Variants in SCN10A observed in about 807,000 individuals in gnomAD.
SCN10A encodes sodium voltage-gated channel alpha subunit 10.
Under a neutral mutation model 170.7 loss-of-function variants are expected in SCN10A, and 162 were observed. The observed-to-expected ratio is 0.95, with a 90% CI of 0.84 to 1.08. The LOEUF (loss-of-function observed/expected upper bound fraction) is 1.08. Ranked by LOEUF, SCN10A falls within the 50% of genes least tolerant of loss-of-function variation. The probability of loss-of-function intolerance (pLI) is 0.00; values close to 1 mark genes in which losing one functional copy is unlikely to be tolerated. For synonymous variants in SCN10A, 985 were observed against 904.6 expected (o/e 1.09, Z -1.59); for missense variants, 2,527 against 2,436.9 (o/e 1.04, Z -0.78).
At chr3:38,767,940 T>C (rs529608147) in intron 5 of SCN10A, among the ~76,000 whole-genome samples, 1 of 152,224 alleles carries the variant, frequency 6.6e-6, no homozygotes, top group Non-Finnish European at 1.5e-5. Context: ...GCATATGTAT[T>C]TAGGATTATG....
Position 38,742,457 on chromosome 3 carries a change from C to A in SCN10A, c.1940G>T (p.Cys647Phe). Reference sequence around the variant, plus strand: ...CTTGAGCTTCACCCACATGGGGCAGCAATCCCAGATCAGATACTTCTGAGA... The same window carrying A: ...CTTGAGCTTCACCCACATGGGGCAGAAATCCCAGATCAGATACTTCTGAGA... ...SLSQKYLIWD[C>F]CPMWVKLKTI... The change falls in exon 14 of 28, where the codon TGC (cysteine) becomes TTC (phenylalanine). Residue 647 changes from cysteine to phenylalanine, a missense_variant. By Grantham distance (205) the Cys-to-Phe change is radical. Transcript: ENST00000449082. The A allele has an allele frequency of 6.2e-7, 1 of 1,614,202 alleles. No homozygotes were observed. The highest frequency in any genetic ancestry group is 1.1e-5 in the South Asian group (1 of 91,084).
In SCN10A at chr3:38,726,699, G is replaced by A. The variant is rs200267333; in HGVS notation, c.2994C>T (p.Pro998=). The A allele has an allele frequency of 1.7e-5, 28 of 1,612,534 alleles. No homozygotes were observed. The highest frequency in any genetic ancestry group is 2.2e-5 in the Non-Finnish European group (26 of 1,178,710). ...IANPTVWVSV[P]IAEGESDLDD... ...CAAGATCAGATTCACCCTCAGCAAT[G>A]GGCACAGAGACCCACACAGTCGGAT... The change falls in exon 17 of 28, where the codon CCC becomes CCT. Residue 998 remains proline (P), a synonymous_variant. Coordinates refer to ENST00000449082, the MANE Select transcript of SCN10A (RefSeq NM_006514.4).
Position 38,742,475 on chromosome 3 carries a change from T to C in SCN10A, c.1922A>G (p.Lys641Arg), listed in dbSNP as rs771515339. 2 of 1,614,046 alleles carry C rather than the reference T, an allele frequency of 1.2e-6. No individual in the cohort carries two copies. The highest frequency in any genetic ancestry group is 1.3e-5 in the African/African-American group (1 of 74,918). The change falls in exon 14 of 28, where the codon AAG (lysine) becomes AGG (arginine). Residue 641 changes from lysine (K) to arginine (R), a missense_variant. By Grantham distance (26) the Lys-to-Arg change is conservative. Transcript: ENST00000449082. ...GGGGCAGCAATCCCAGATCAGATAC[T>C]TCTGAGACAAGCTGGTCAAGCAGGG... ...CPPCLTSLSQ[K>R]YLIWDCCPMW...
chr3:38,812,333 T>C (rs1304626423), intron 1 of SCN10A, among the ~76,000 whole-genome samples: 1 of 152,158 alleles, frequency 6.6e-6, no homozygotes, highest in Non-Finnish European at 1.5e-5. Flanking sequence ...GCTAACTTAG[T>C]GAAGGTCATA....
chr3:38,807,958 T>C (rs2064416077), intron 1 of SCN10A, among the ~76,000 whole-genome samples: 1 of 152,282 alleles, frequency 6.6e-6, no homozygotes, highest in African/African-American at 2.4e-5. Context: ...CCTACTTTCA[T>C]AGCAACCAAC....
intron 1 of SCN10A, among the ~76,000 whole-genome samples, chr3:38,805,514 A>G (rs1333708914): frequency 6.6e-6 from 1 of 152,172 alleles, no homozygotes; most frequent in Non-Finnish European, 1.5e-5. Flanking sequence ...AGCATTTCAT[A>G]CAGCCAGTGA....
chr3:38,712,170 A>G lies in SCN10A; in HGVS notation c.4080T>C (p.Leu1360=), dbSNP rs2063281140. 1.2e-6 allele frequency: 2 copies of G among 1,613,742 alleles called. No individual in the cohort carries two copies. Among genetic ancestry groups the G allele is most frequent in the South Asian group, 1.1e-5 (1 of 91,074 alleles). The change falls in exon 23 of 28, where the codon CTT becomes CTC. Residue 1360 remains leucine (L), a synonymous_variant. Coordinates refer to ENST00000449082, the MANE Select transcript of SCN10A (RefSeq NM_006514.4). ...FDNVAMGYLA[L]LQVATFKGWM... is the part of the protein sequence containing the mutation. ...CTCATGGTTGACTCACCACCTGCAG[A>G]AGTGCAAGGTAACCCATTGCAACAT...
At chr3:38,719,189 A>G (rs1025348284) in intron 20 of SCN10A, among the ~76,000 whole-genome samples, 1 of 152,214 alleles carries the variant, frequency 6.6e-6, no homozygotes, top group Admixed American at 6.5e-5. Flanking sequence ...GTTCACAGGC[A>G]GTTTACAAAA....
In SCN10A at chr3:38,760,741, A is replaced by T; in HGVS notation, c.890T>A (p.Ile297Asn). ...TNYSSHRKPD[I>N]YINKRGTSDP... ...AGAAGTGCCTCGCTTATTTATGTAG[A>T]TATCTGCTGAAGAAAGGAAGAAAAG... The change falls in exon 8 of 28, where the codon ATC (isoleucine) becomes AAC (asparagine). Residue 297 changes from isoleucine to asparagine, a missense_variant. Physicochemically the swap from Ile to Asn is moderately radical, Grantham distance 149. Transcript: ENST00000449082. 6.2e-7 allele frequency: 1 copy of T among 1,613,622 alleles called. No homozygotes were observed. Among genetic ancestry groups the T allele is most frequent in the Non-Finnish European group, 8.5e-7 (1 of 1,179,516 alleles).
chr3:38,767,029 A>T (rs1333306463), intron 5 of SCN10A, among the ~76,000 whole-genome samples: 1 of 149,322 alleles, frequency 6.7e-6, no homozygotes, highest in East Asian at 2.1e-4. Context: ...AGGTGTTCAT[A>T]GTAGCCTTGA....
At chr3:38,774,401 A>G (rs1451565798) in intron 4 of SCN10A, among the ~76,000 whole-genome samples, 1 of 152,200 alleles carries the variant, frequency 6.6e-6, no homozygotes, top group Non-Finnish European at 1.5e-5. Flanking sequence ...AACAGCAGCT[A>G]ATGGAGTTGC....
At position 38,701,869 on chromosome 3, in the gene SCN10A, CA is replaced by C; in HGVS notation, c.4626del (p.Phe1542LeufsTer13). ...QYYFTNGWNV[F>X]DFIVVVLSIA... ...ATGGAGAGAACCACCACAATGAAGT[CA>C]AACACATTCCAGCCATTTGTGAAGT... On this transcript the variant is annotated frameshift_variant, in exon 27 of 28. Coordinates refer to ENST00000449082, the MANE Select transcript of SCN10A (RefSeq NM_006514.4). LOFTEE classifies it high-confidence loss of function. The C allele has an allele frequency of 6.2e-7, 1 of 1,612,972 alleles. No homozygotes were observed. Among genetic ancestry groups the C allele is most frequent in the Non-Finnish European group, 8.5e-7 (1 of 1,179,508 alleles).
intron 17 of SCN10A, among the ~76,000 whole-genome samples, chr3:38,726,383 G>A (rs2126000894): frequency 6.6e-6 from 1 of 152,300 alleles, no homozygotes; most frequent in South Asian, 2.1e-4. Flanking sequence ...ACCTCAAGGT[G>A]GCCTTTTGCT....
chr3:38,697,141 T>C lies in SCN10A; in HGVS notation c.*208A>G. 1 of 648,032 alleles carries C rather than the reference T, an allele frequency of 1.5e-6. No homozygotes were observed. Among genetic ancestry groups the C allele is most frequent in the Non-Finnish European group, 2.6e-6 (1 of 391,568 alleles). 40.1% of individuals were successfully genotyped at this position (648,032 alleles called of 1,614,324 possible). On this transcript the variant is annotated 3_prime_UTR_variant, in exon 28 of 28. Transcript: ENST00000449082. Reference sequence around the variant, plus strand: ...TTGAAATTCAGAAGGGAAATCACAGTGGAAGTGCTCTTAGCTTCTGACTCC... The same window carrying C: ...TTGAAATTCAGAAGGGAAATCACAGCGGAAGTGCTCTTAGCTTCTGACTCC...
chr3:38,745,252 G>T (rs1264710105), intron 13 of SCN10A, among the ~76,000 whole-genome samples: 1 of 152,066 alleles, frequency 6.6e-6, no homozygotes. Context: ...CACCTCAAAA[G>T]GATCTCCTAT....
At chr3:38,779,250 C>A (rs907190245) in intron 4 of SCN10A, among the ~76,000 whole-genome samples, 1 of 152,018 alleles carries the variant, frequency 6.6e-6, no homozygotes, top group African/African-American at 2.4e-5. Flanking sequence ...TTCACTTCAT[C>A]CATGCAAATG....
At chr3:38,751,993 A>G (rs1479798631) in intron 12 of SCN10A, among the ~76,000 whole-genome samples, 1 of 152,182 alleles carries the variant, frequency 6.6e-6, no homozygotes. Context: ...TATAATTTGC[A>G]TCACTACTGC....
intron 11 of SCN10A, among the ~76,000 whole-genome samples, chr3:38,752,935 G>A (rs1300032979): frequency 1.3e-5 from 2 of 152,218 alleles, no homozygotes; most frequent in Admixed American, 1.3e-4. Context: ...AACATACTTG[G>A]TAAGTGGTTG....
At chr3:38,706,872 G>A (rs1223230713) in intron 26 of SCN10A, among the ~76,000 whole-genome samples, 1 of 152,092 alleles carries the variant, frequency 6.6e-6, no homozygotes, top group Non-Finnish European at 1.5e-5. Flanking sequence ...TATACCTGTA[G>A]GCGTGGGGTA....
Sources: gnomAD v4.1 joint callset for allele counts (sites outside exome capture counted in the v4.1 genomes callset) on GRCh38, gnomAD v4.1.1 for gene constraint, MANE v1.5 for transcripts, NCBI Gene and HGNC (gene_info 2026-07-23, HGNC 2026-07-21) for gene names.